Variants in GPLD1 observed in about 807,000 individuals in gnomAD.
GPLD1 encodes the protein phosphatidylinositol-glycan-specific phospholipase D.
In GPLD1, 84 loss-of-function variants were observed where a neutral mutation model predicts 112.6. The observed-to-expected ratio is 0.75, with a 90% CI of 0.63 to 0.89. The LOEUF is 0.89. GPLD1 is among the 40% of genes least tolerant of loss of function. GPLD1 has a pLI of 0.00. For synonymous variants in GPLD1, 386 were observed against 403.8 expected (o/e 0.96, Z 0.53); for missense variants, 1,044 against 1,051.5 (o/e 0.99, Z 0.10).
chr6:24,453,834 T>C (rs1763175481), intron 14 of GPLD1, among the ~76,000 whole-genome samples, 181 bp downstream of exon 14: 3 of 152,128 alleles, frequency 2.0e-5, no homozygotes, highest in South Asian at 2.1e-4. Context: ...AGACTAATGA[T>C]AGAATAAAAT....
chr6:24,441,982 C>T (rs948751851), intron 20 of GPLD1, among the ~76,000 whole-genome samples: 1 of 147,926 alleles, frequency 6.8e-6, no homozygotes, highest in African/African-American at 2.5e-5. Context: ...TACATTCATA[C>T]ATTATATATA....
Position 24,440,994 on chromosome 6 carries a change from C to CAA in GPLD1, c.2021-3707_2021-3706dup, listed in dbSNP as rs537140080. On this transcript the variant is annotated intron_variant, in intron 20 of 24. Coordinates refer to ENST00000230036, the MANE Select transcript of GPLD1 (RefSeq NM_001503.4). ...ACAGATACCAAAATCCACGGATGTT[C>CAA]AAGCCCCTGATATAAAATGGTATAG... Among the ~76,000 whole-genome samples, 129 of 152,226 alleles carry CAA rather than the reference C, an allele frequency of 8.5e-4. No individual in the cohort carries two copies. In the Middle Eastern group the frequency reaches 0.01, roughly 12 times the overall value.
chr6:24,467,456 C>T (rs985130269), intron 7 of GPLD1, among the ~76,000 whole-genome samples, 182 bp from the exon 8 acceptor site: 3 of 152,088 alleles, frequency 2.0e-5, no homozygotes, highest in African/African-American at 4.8e-5. Flanking sequence ...ATCATATTCC[C>T]GTTTTACATA....
chr6:24,473,664 C>A lies in GPLD1; in HGVS notation c.445G>T (p.Asp149Tyr), dbSNP rs1763902185. The A allele has an allele frequency of 1.1e-5, 17 of 1,605,040 alleles. No homozygotes were observed. Among genetic ancestry groups the A allele is most frequent in the Non-Finnish European group, 1.4e-5 (16 of 1,172,300 alleles). Residue 149 changes from aspartate (D) to tyrosine (Y), a missense_variant, in exon 6 of 25, where the codon GAT becomes TAT. Coordinates refer to ENST00000230036, the MANE Select transcript of GPLD1 (RefSeq NM_001503.4). The stretch of plus-strand genomic sequence containing the variant: ...GCCTCTGAATAGGAGCCGTGAAAAT[C>A]AATCTAAGAAAGAAAGAGAACCATC... ...QGFLRTMGAIDFHGSYSEAHS... is the reference protein window; with the variant it reads ...QGFLRTMGAIYFHGSYSEAHS...
intron 2 of GPLD1, among the ~76,000 whole-genome samples, chr6:24,480,246 C>T (rs1214407693): frequency 1.3e-5 from 2 of 152,102 alleles, no homozygotes; most frequent in Non-Finnish European, 2.9e-5. Flanking sequence ...CTTTCATTTT[C>T]TCTGTCAATC....
intron 14 of GPLD1, among the ~76,000 whole-genome samples, chr6:24,453,660 A>G (rs1382418707): frequency 6.6e-6 from 1 of 151,226 alleles, no homozygotes; most frequent in African/African-American, 2.4e-5. Flanking sequence ...TAATTAATTA[A>G]AATAAAATAC....
intron 10 of GPLD1, among the ~76,000 whole-genome samples, chr6:24,463,348 A>T (rs1763497755): frequency 6.6e-6 from 1 of 152,212 alleles, no homozygotes; most frequent in Non-Finnish European, 1.5e-5. Context: ...TTAATATAAG[A>T]AGAGTATTCT....
chr6:24,494,276 T>C (rs1009282894), upstream of GPLD1, among the ~76,000 whole-genome samples: 25 of 152,228 alleles, frequency 1.6e-4, no homozygotes, highest in African/African-American at 6.0e-4. Context: ...TTCTATTTTA[T>C]AAGTGACTGG....
intron 14 of GPLD1, 55 bp downstream of exon 14, chr6:24,453,960 A>T: frequency 8.8e-7 from 1 of 1,140,556 alleles, no homozygotes; most frequent in Non-Finnish European, 1.3e-6. Context: ...ATCTGCCACA[A>T]AATGCAAGAG....
chr6:24,466,548 G>T, intron 10 of GPLD1, 132 bp downstream of exon 10: 1 of 687,664 alleles, frequency 1.5e-6, no homozygotes. Context: ...TCTTTGAATA[G>T]GTTAGAAAAG....
Position 24,495,152 on chromosome 6 carries a change from G to C in GPLD1, n.54C>G. 2 of 1,431,160 alleles carry C rather than the reference G, an allele frequency of 1.4e-6. No individual in the cohort carries two copies. The highest frequency in any genetic ancestry group is 1.8e-6 in the Non-Finnish European group (2 of 1,098,930). The allele number at this position is 1,431,160 out of a possible 1,614,324, so 88.7% of individuals were successfully genotyped here. On this transcript the variant is annotated non_coding_transcript_exon_variant, in exon 1 of 11. Coordinates refer to the GPLD1 transcript ENST00000474784. ...TCCGCTGCTACGCTGGGCGCCTGGC[G>C]GGCCTCTCTGCGGCGCTGCTGCGCA... is the stretch of plus-strand genomic sequence containing the variant.
rs544082215 is a variant in GPLD1, at chr6:24,458,636, T to C, written c.1008+1643A>G. 5.9e-5 allele frequency among the ~76,000 whole-genome samples: 9 copies of C among 152,264 alleles called. No individual in the cohort carries two copies. The East Asian group carries it at 1.7e-3, about 29-fold the overall frequency. The stretch of plus-strand genomic sequence containing the variant: ...GCTCACGCCTGTAATCCCAGCACTT[T>C]GGGAGGCCCAGGTGGGCGGATTACC... On this transcript the variant is annotated intron_variant, in intron 12 of 24. Coordinates refer to ENST00000230036, the MANE Select transcript of GPLD1 (RefSeq NM_001503.4).
intron 1 of GPLD1, 38 bp downstream of exon 1, chr6:24,489,377 T>C (rs1383956739): frequency 4.4e-6 from 6 of 1,357,872 alleles, no homozygotes; most frequent in African/African-American, 2.9e-5. Context: ...GACAGATGTA[T>C]TGTCCTCTCA....
chr6:24,452,642 G>A (rs1317211725), intron 14 of GPLD1, among the ~76,000 whole-genome samples: 3 of 152,024 alleles, frequency 2.0e-5, no homozygotes, highest in Non-Finnish European at 2.9e-5. Flanking sequence ...CGGGCATGGC[G>A]GTGCATGCCT....
intron 24 of GPLD1, 96 bp downstream of exon 24, chr6:24,433,090 TA>T: frequency 1.2e-6 from 1 of 851,534 alleles, no homozygotes; most frequent in South Asian, 1.3e-5. Flanking sequence ...CCTTTTCAAA[TA>T]AAAATAAAAT....
chr6:24,432,069 G>C (rs1392820402), intron 24 of GPLD1, among the ~76,000 whole-genome samples: 1 of 151,826 alleles, frequency 6.6e-6, no homozygotes, highest in Non-Finnish European at 1.5e-5. Context: ...GCAACATGGT[G>C]AAACTCTTGT....
At chr6:24,464,569 A>G (rs1763537451) in intron 10 of GPLD1, among the ~76,000 whole-genome samples, 1 of 152,236 alleles carries the variant, frequency 6.6e-6, no homozygotes, top group South Asian at 2.1e-4. Context: ...TCAACACAAT[A>G]TATAATTATG....
At chr6:24,455,040 A>C (rs1040968768) in intron 13 of GPLD1, among the ~76,000 whole-genome samples, 1 of 152,228 alleles carries the variant, frequency 6.6e-6, no homozygotes, top group African/African-American at 2.4e-5. Flanking sequence ...GAGGCAGGAG[A>C]ATCACTTGAA....
chr6:24,485,935 C>T (rs972909253), intron 2 of GPLD1, 140 bp downstream of exon 2: 2 of 568,234 alleles, frequency 3.5e-6, no homozygotes, highest in African/African-American at 1.9e-5. Context: ...TCCCAAAGTG[C>T]TGGGATTACA....
Sources: gnomAD v4.1 joint callset for allele counts (sites outside exome capture counted in the v4.1 genomes callset) on GRCh38, gnomAD v4.1.1 for gene constraint, MANE v1.5 for transcripts, NCBI Gene and HGNC (gene_info 2026-07-23, HGNC 2026-07-21) for gene names.